Variants in ARHGAP40 observed in about 807,000 individuals in gnomAD.
The protein encoded by ARHGAP40 is Rho GTPase activating protein 40, also known as rho GTPase-activating protein 40.
In ARHGAP40, 43 loss-of-function variants were observed where a neutral mutation model predicts 73.5. That is an observed-to-expected ratio of 0.58 (90% CI 0.46 to 0.75). ARHGAP40 has a LOEUF of 0.75. Among genes scored for constraint, ARHGAP40 ranks in the 30% least tolerant of loss-of-function variants. The probability of loss-of-function intolerance (pLI) is 0.00; values close to 1 mark genes in which losing one functional copy is unlikely to be tolerated. For missense variants in ARHGAP40, 734 were observed against 861.8 expected (o/e 0.85, Z 1.86); for synonymous variants, 300 against 352.8 (o/e 0.85, Z 1.68).
chr20:38,644,860 C>T (rs2089041766), intron 11 of ARHGAP40, among the ~76,000 whole-genome samples: 1 of 151,936 alleles, frequency 6.6e-6, no homozygotes, highest in South Asian at 2.1e-4. Flanking sequence ...CCCATCCATC[C>T]ATCCACTCAT....
intron 1 of ARHGAP40, among the ~76,000 whole-genome samples, chr20:38,605,389 G>A (rs555658332): frequency 6.6e-6 from 1 of 152,258 alleles, no homozygotes; most frequent in African/African-American, 2.4e-5. Flanking sequence ...GACCTGAAAG[G>A]CCTGAGCAGG....
intron 5 of ARHGAP40, 43 bp downstream of exon 5, chr20:38,629,693 TGCTCA>T (rs1406969842): frequency 7.7e-7 from 1 of 1,297,996 alleles, no homozygotes; most frequent in Non-Finnish European, 1.0e-6. Flanking sequence ...GGTCCCCCTG[TGCTCA>T]GGCACCAGCA....
chr20:38,634,698 T>C, exon 6 of ARHGAP40: 1 of 1,305,340 alleles, frequency 7.7e-7, no homozygotes, highest in Non-Finnish European at 1.0e-6. Context: ...GAAGGTACCT[T>C]CTCTGGCCCT....
intron 11 of ARHGAP40, among the ~76,000 whole-genome samples, chr20:38,645,065 G>A (rs1257974787): frequency 2.6e-5 from 4 of 151,864 alleles, no homozygotes; most frequent in Non-Finnish European, 5.9e-5. Context: ...CACAGCAAAC[G>A]CCAGCTGGCA....
chr20:38,642,032 C>T (rs1254635584), intron 10 of ARHGAP40, among the ~76,000 whole-genome samples: 2 of 152,158 alleles, frequency 1.3e-5, no homozygotes, highest in African/African-American at 2.4e-5. Context: ...GTCAGTTCCA[C>T]GTGGTGCTAA....
At chr20:38,644,940 C>T (rs1036373007) in intron 11 of ARHGAP40, among the ~76,000 whole-genome samples, 1 of 152,168 alleles carries the variant, frequency 6.6e-6, no homozygotes, top group Non-Finnish European at 1.5e-5. Context: ...CTATCCCTTC[C>T]TTCTTCCATG....
intron 10 of ARHGAP40, 138 bp from the exon 11 acceptor site, chr20:38,643,566 C>A: frequency 1.8e-6 from 1 of 562,792 alleles, no homozygotes; most frequent in Non-Finnish European, 2.9e-6. Context: ...ACAGCTGGAA[C>A]GGGAGCCCCT....
intron 1 of ARHGAP40, among the ~76,000 whole-genome samples, chr20:38,622,054 AAAAAAC>A (rs11482583): frequency 7.0e-6 from 1 of 143,872 alleles, no homozygotes; most frequent in Non-Finnish European, 1.5e-5. Context: ...ACCTTGCCTC[AAAAAAC>A]AAAAACAAAC....
At chr20:38,627,572 G>C (rs1207442846) in intron 3 of ARHGAP40, among the ~76,000 whole-genome samples, 1 of 95,522 alleles carries the variant, frequency 1.0e-5, no homozygotes, top group Non-Finnish European at 2.5e-5. Context: ...TGTGTGTTGA[G>C]TGTGTGTGTT....
chr20:38,612,562 C>T (rs1310968648), intron 1 of ARHGAP40, among the ~76,000 whole-genome samples: 3 of 151,820 alleles, frequency 2.0e-5, no homozygotes, highest in Admixed American at 6.6e-5. Flanking sequence ...TAATTCCAGC[C>T]GGGAGGCTGA....
chr20:38,627,540 TG>T (rs2088908075), intron 3 of ARHGAP40, among the ~76,000 whole-genome samples: 1 of 148,766 alleles, frequency 6.7e-6, no homozygotes, highest in African/African-American at 2.5e-5. Context: ...TATGTGTGTG[TG>T]TGTTGGTGTG....
rs1274121407 is a variant in ARHGAP40, at chr20:38,623,634, G to C, written c.337+76G>C. 3.5e-6 allele frequency: 4 copies of C among 1,159,244 alleles called. No individual in the cohort carries two copies. The East Asian group carries it at 2.3e-4, about 68-fold the overall frequency. 71.8% of individuals were successfully genotyped at this position (1,159,244 alleles called of 1,614,324 possible). ...AGGCAGAGAAATGTCAGAGGATCCA[G>C]ATATGAACCAGAACATGACAGCATT... On this transcript the variant is annotated intron_variant, in intron 2 of 14. Coordinates refer to ENST00000373345, the Ensembl canonical transcript of ARHGAP40.
At position 38,628,967 on chromosome 20, in the gene ARHGAP40, C is replaced by A. The variant is rs560382894; in HGVS notation, c.599C>A (p.Ala200Asp). Reference sequence around the variant, plus strand: ...AATGGCGACTCCGGTATGAAGGGGGCCCAGCTCAGTTCCGGGGCCTCTAAG... The same window carrying A: ...AATGGCGACTCCGGTATGAAGGGGGACCAGCTCAGTTCCGGGGCCTCTAAG... Residue 200 changes from alanine to aspartate, a missense_variant, in exon 4 of 15, where the codon GCC (alanine) becomes GAC (aspartate). Transcript: ENST00000373345. 32 of 1,304,988 alleles carry A rather than the reference C, an allele frequency of 2.5e-5. No individual in the cohort carries two copies. The Admixed American group carries it at 2.5e-4, about 10-fold the overall frequency. The allele number at this position is 1,304,988 out of a possible 1,614,324, so 80.8% of individuals were successfully genotyped here.
Position 38,637,813 on chromosome 20 carries a change from A to T in ARHGAP40, c.1041+14A>T. The T allele has an allele frequency of 7.7e-7, 1 of 1,303,280 alleles. No homozygotes were observed. The highest frequency in any genetic ancestry group is 1.0e-6 in the Non-Finnish European group (1 of 988,224). The allele number at this position is 1,303,280 out of a possible 1,614,324, so 80.7% of individuals were successfully genotyped here. A position where few individuals can be genotyped will look rare whatever the true frequency, so the allele number is the denominator to read the frequency against. ...GTCCTTCAAGCCGTAAGTCGCCCCT[A>T]CCCCAGCTTGGGTTTATTTAATCCT... On this transcript the variant is annotated intron_variant, in intron 7 of 14. Transcript: ENST00000373345.
chr20:38,610,297 T>C, intron 1 of ARHGAP40, among the ~76,000 whole-genome samples: 1 of 151,938 alleles, frequency 6.6e-6, no homozygotes, highest in African/African-American at 2.4e-5. Context: ...CCAGGAGTTG[T>C]AAACTCTGGT....
At chr20:38,604,398 T>G (rs1237291880) in intron 1 of ARHGAP40, among the ~76,000 whole-genome samples, 1 of 99,488 alleles carries the variant, frequency 1.0e-5, no homozygotes, top group Admixed American at 9.5e-5. Context: ...AACAGTGGTG[T>G]TTTTTTTTTT....
At chr20:38,649,954 G>A (rs1300309117) in exon 15 of ARHGAP40, 4 of 857,726 alleles carry the variant, frequency 4.7e-6, no homozygotes, top group East Asian at 1.3e-4. Flanking sequence ...GAGGGTCTGA[G>A]TTTTATTCCA....
chr20:38,632,303 C>T (rs1356124199), intron 5 of ARHGAP40, among the ~76,000 whole-genome samples: 1 of 151,228 alleles, frequency 6.6e-6, no homozygotes, highest in Non-Finnish European at 1.5e-5. Context: ...CGCTCTATTG[C>T]CCAGGCTGGA....
intron 1 of ARHGAP40, among the ~76,000 whole-genome samples, chr20:38,621,237 T>C (rs959181085): frequency 2.6e-5 from 4 of 152,112 alleles, no homozygotes; most frequent in African/African-American, 9.7e-5. Flanking sequence ...AATAAAATAG[T>C]CCTTTTTTAG....
Sources: allele counts gnomAD v4.1 joint callset (sites outside exome capture counted in the v4.1 genomes callset), GRCh38; gene constraint gnomAD v4.1.1; transcripts MANE v1.5; gene names NCBI Gene and HGNC (gene_info 2026-07-23, HGNC 2026-07-21).